Variants in ATP6V1H observed in about 807,000 individuals in gnomAD.
ATP6V1H encodes the protein ATPase H+ transporting V1 subunit H.
ATP6V1H carries 39 observed loss-of-function variants against 71.7 expected under a neutral mutation model. The observed-to-expected ratio is 0.54, with a 90% confidence interval of 0.42 to 0.71. The LOEUF (loss-of-function observed/expected upper bound fraction) is 0.71, where lower values mean the gene tolerates loss of function less well. ATP6V1H is among the 30% of genes least tolerant of loss of function. ATP6V1H has a pLI of 0.00. For missense variants in ATP6V1H, 509 were observed against 594.9 expected, an observed-to-expected ratio of 0.86 and a Z score of 1.50; for synonymous variants, 192 against 199.3, an observed-to-expected ratio of 0.96 and a Z score of 0.31.
At chr8:53,756,074 T>C (rs1414210181) in intron 12 of ATP6V1H, among the ~76,000 whole-genome samples, 44 of 132,720 alleles carry the variant, frequency 3.3e-4, no homozygotes, top group East Asian at 1.3e-3. Context: ...CTTTTCTTTT[T>C]TTTTTTTTTT....
At chr8:53,807,591 A>AG (rs1810125628) in intron 7 of ATP6V1H, among the ~76,000 whole-genome samples, 1 of 152,236 alleles carries the variant, frequency 6.6e-6, no homozygotes. Context: ...AATGTCCAAA[A>AG]GAGGCAAATC....
At chr8:53,826,075 A>C (rs984142109) in intron 4 of ATP6V1H, among the ~76,000 whole-genome samples, 9 of 152,156 alleles carry the variant, frequency 5.9e-5, no homozygotes, top group African/African-American at 2.2e-4. Flanking sequence ...CAGGGAAAAA[A>C]ATGTAAAAGC....
intron 12 of ATP6V1H, among the ~76,000 whole-genome samples, chr8:53,754,415 C>G (rs1295472467): frequency 1.3e-5 from 2 of 152,160 alleles, no homozygotes; most frequent in African/African-American, 4.8e-5. Context: ...ATGAAGGCTA[C>G]TACCTACAAG....
chr8:53,751,626 T>A (rs1323353359), intron 12 of ATP6V1H, among the ~76,000 whole-genome samples: 1 of 152,104 alleles, frequency 6.6e-6, no homozygotes, highest in Admixed American at 6.6e-5. Context: ...TACCAGAATA[T>A]AATGCAGGAG....
chr8:53,776,357 G>C (rs945659020), intron 9 of ATP6V1H, among the ~76,000 whole-genome samples: 6 of 152,352 alleles, frequency 3.9e-5, no homozygotes, highest in African/African-American at 1.4e-4. Flanking sequence ...CAGTGCAGCG[G>C]TGGGCTGAAG....
At chr8:53,841,509 G>T in intron 2 of ATP6V1H, 69 bp downstream of exon 2, 1 of 1,501,092 alleles carries the variant, frequency 6.7e-7, no homozygotes, top group Non-Finnish European at 9.2e-7. Context: ...TCTCATAGAA[G>T]CATGACCATG....
In ATP6V1H at chr8:53,841,693, A is replaced by G. The variant is rs1229214551; in HGVS notation, c.-3T>C. 3 of 1,613,224 alleles carry G rather than the reference A, an allele frequency of 1.9e-6. No individual in the cohort carries two copies. Among genetic ancestry groups the G allele is most frequent in the Middle Eastern group, 1.7e-4 (1 of 6,058 alleles). On this transcript the variant is annotated 5_prime_UTR_variant, in exon 2 of 14. Transcript: ENST00000359530. ...CCTCGGATATCCATTTTGGTCATCT[A>G]AACTTCGTAATCTTGAATGTCTTTC...
intron 10 of ATP6V1H, among the ~76,000 whole-genome samples, chr8:53,771,561 A>C (rs1808657162): frequency 6.6e-6 from 1 of 152,184 alleles, no homozygotes; most frequent in Admixed American, 6.5e-5. Flanking sequence ...TTTACTGTAC[A>C]TACATTATTT....
chr8:53,767,331 G>A (rs1157280490), intron 11 of ATP6V1H, among the ~76,000 whole-genome samples: 1 of 152,106 alleles, frequency 6.6e-6, no homozygotes, highest in South Asian at 2.1e-4. Context: ...TGGAGGTAGA[G>A]GTAGCATATG....
At chr8:53,801,212 C>G (rs1235952713) in intron 8 of ATP6V1H, among the ~76,000 whole-genome samples, 1 of 150,814 alleles carries the variant, frequency 6.6e-6, no homozygotes, top group African/African-American at 2.5e-5. Flanking sequence ...ACCTAAACTC[C>G]TCTGTAGATT....
chr8:53,751,673 CT>C (rs11404196), intron 12 of ATP6V1H, among the ~76,000 whole-genome samples: 240 of 144,650 alleles, frequency 1.7e-3, no homozygotes, highest in Middle Eastern at 3.6e-3. Context: ...AAGATAATTT[CT>C]TTTTTTTTTT....
rs553491967 is a variant in ATP6V1H, at chr8:53,785,200, C to G, written c.870+10447G>C. Among the ~76,000 whole-genome samples, 334 of 152,296 alleles carry G rather than the reference C, an allele frequency of 2.2e-3. 2 individuals carry two copies. The highest frequency in any genetic ancestry group is 7.8e-3 in the African/African-American group (324 of 41,554). On this transcript the variant is annotated intron_variant, in intron 9 of 13. Coordinates refer to ENST00000359530, the MANE Select transcript of ATP6V1H (RefSeq NM_015941.4). ...CAATCAGACGCAGATTTGGTCTTTT[C>G]ACATAGTCCCATATTTCTTGGAGGC...
At chr8:53,767,529 T>C (rs956939219) in intron 11 of ATP6V1H, among the ~76,000 whole-genome samples, 7 of 152,158 alleles carry the variant, frequency 4.6e-5, no homozygotes, top group Non-Finnish European at 8.8e-5. Context: ...CTCTTTTTTT[T>C]TATAAAAAGA....
chr8:53,776,302 G>A (rs1327507037), intron 9 of ATP6V1H, among the ~76,000 whole-genome samples: 1 of 152,216 alleles, frequency 6.6e-6, no homozygotes, highest in Non-Finnish European at 1.5e-5. Context: ...CCTGCAAGCT[G>A]AGGGAGTGGG....
At chr8:53,722,306 G>A (rs1275731792) in intron 13 of ATP6V1H, among the ~76,000 whole-genome samples, 1 of 152,184 alleles carries the variant, frequency 6.6e-6, no homozygotes, top group Non-Finnish European at 1.5e-5. Flanking sequence ...GGAGTTGGCA[G>A]CAAACACTCC....
chr8:53,785,920 C>A (rs559681375), intron 9 of ATP6V1H, among the ~76,000 whole-genome samples: 2 of 152,174 alleles, frequency 1.3e-5, no homozygotes, highest in African/African-American at 4.8e-5. Flanking sequence ...GAGGAGTACC[C>A]GGCTGTGTGA....
chr8:53,817,612 C>T, intron 4 of ATP6V1H, 82 bp from the exon 5 acceptor site: 1 of 800,524 alleles, frequency 1.2e-6, no homozygotes, highest in South Asian at 1.6e-5. Flanking sequence ...TTCTCAACCT[C>T]CCATCAGTCT....
At chr8:53,798,092 T>C (rs1045279833) in intron 8 of ATP6V1H, among the ~76,000 whole-genome samples, 1 of 152,180 alleles carries the variant, frequency 6.6e-6, no homozygotes, top group African/African-American at 2.4e-5. Context: ...TAACAATATA[T>C]AGCACAATAT....
chr8:53,821,297 C>T (rs1328629189), intron 4 of ATP6V1H, among the ~76,000 whole-genome samples: 3 of 149,822 alleles, frequency 2.0e-5, no homozygotes, highest in African/African-American at 7.4e-5. Flanking sequence ...CATTTGAACC[C>T]GGGAGGTGGA....
Sources: gnomAD v4.1 joint callset for allele counts (sites outside exome capture counted in the v4.1 genomes callset) on GRCh38, gnomAD v4.1.1 for gene constraint, MANE v1.5 for transcripts, NCBI Gene and HGNC (gene_info 2026-07-23, HGNC 2026-07-21) for gene names.